The following NINL variants were observed in gnomAD, a reference collection of about 807,000 sequenced individuals.
NINL encodes the protein ninein-like protein.
NINL carries 153 observed loss-of-function variants against 160.3 expected under a neutral mutation model. That is an observed-to-expected ratio of 0.95 (90% confidence interval 0.84 to 1.09). The LOEUF (loss-of-function observed/expected upper bound fraction) is 1.09, where lower values mean the gene tolerates loss of function less well. Among genes scored for constraint, NINL ranks in the 50% least tolerant of loss-of-function variants. The pLI is 0.00. For synonymous variants in NINL, 800 were observed against 734.8 expected (o/e 1.09, Z -1.43); for missense variants, 1,829 against 1,764.0 (o/e 1.04, Z -0.66).
In NINL at chr20:25,479,018, G is replaced by A. The variant is rs200042827; in HGVS notation, c.2106C>T (p.Arg702=). ...GGCCCATCTGCTCAGGCTCGGGGCC[G>A]CGGGCTGTGTCCTGCAGCTGCTCCT... ...GLQEQLQDTA[R]GPEPEQMGLA... The change falls in exon 16 of 24, where the codon CGC becomes CGT. Residue 702 remains arginine (R), a synonymous_variant. Transcript: ENST00000278886. The A allele has an allele frequency of 4.2e-5, 67 of 1,609,324 alleles. 1 individual carries two copies. The highest frequency in any genetic ancestry group is 1.7e-4 in the Middle Eastern group (1 of 6,058).
chr20:25,476,983 G>A lies in NINL; in HGVS notation c.2308C>T (p.Pro770Ser). The A allele has an allele frequency of 6.2e-7, 1 of 1,605,524 alleles. No homozygotes were observed. The highest frequency in any genetic ancestry group is 1.7e-5 in the Admixed American group (1 of 59,990). The change falls in exon 17 of 24, where the codon CCA becomes TCA. Residue 770 changes from proline to serine, a missense_variant. Pro to Ser is a moderately conservative substitution (Grantham distance 74, BLOSUM62 -1). Transcript: ENST00000278886. ...ELEEPPQGPL[P>S]RGSQRSEQLE... ...TGCTCCGACCTCTGGCTCCCGCGTG[G>A]CAGGGGTCCCTGCGGCGGCTCCTCC...
At chr20:25,531,371 A>C (rs2064459292) in intron 1 of NINL, among the ~76,000 whole-genome samples, 1 of 152,206 alleles carries the variant, frequency 6.6e-6, no homozygotes, top group African/African-American at 2.4e-5. Context: ...GCTTACGAAA[A>C]TGATGATGAG....
At chr20:25,489,375 G>C in intron 12 of NINL, 51 bp from the exon 13 acceptor site, 1 of 1,532,684 alleles carries the variant, frequency 6.5e-7, no homozygotes. Context: ...GCCAGAGGGG[G>C]ACCTGCTTCT....
In NINL at chr20:25,505,844, C is replaced by T. The variant is rs1173916702; in HGVS notation, c.518-766G>A. On this transcript the variant is annotated intron_variant, in intron 5 of 23. Transcript: ENST00000278886. ...GTGGTTGGTACATGGGTTTTCATGC[C>T]ACAGTTGTTTGCACTTCACTCTGTT... Among the ~76,000 whole-genome samples the T allele has an allele frequency of 2.0e-5, 3 of 152,186 alleles. No homozygotes were observed. The East Asian group carries it at 5.8e-4, about 29-fold the overall frequency.
At chr20:25,474,838 T>G (rs2063191564) in intron 17 of NINL, among the ~76,000 whole-genome samples, 1 of 151,090 alleles carries the variant, frequency 6.6e-6, no homozygotes, top group East Asian at 2.0e-4. Context: ...CAGGCTGAAG[T>G]GCAGTGGCGC....
intron 11 of NINL, among the ~76,000 whole-genome samples, chr20:25,490,371 T>G (rs529784573): frequency 6.6e-6 from 1 of 152,022 alleles, no homozygotes; most frequent in African/African-American, 2.4e-5. Context: ...CCATCCTGGC[T>G]AACATGGTGA....
Position 25,456,241 on chromosome 20 carries a change from C to CAAAAA in NINL, c.3844-460_3844-456dup, listed in dbSNP as rs34657031. On this transcript the variant is annotated intron_variant, in intron 22 of 23. Coordinates refer to ENST00000278886, the MANE Select transcript of NINL (RefSeq NM_025176.6). ...CTGGTGACAGAGTGAGACTCCATCT[C>CAAAAA]AAAAAAAAAAAAAAAAAAAAAAAAA... Among the ~76,000 whole-genome samples the CAAAAA allele has an allele frequency of 3.4e-4, 14 of 40,682 alleles. 1 individual carries two copies. The highest frequency in any genetic ancestry group is 8.4e-4 in the East Asian group (1 of 1,188). The allele number at this position is 40,682 out of a possible 152,430, so 26.7% of individuals were successfully genotyped here. A position where few individuals can be genotyped will look rare whatever the true frequency, so the allele number is the denominator to read the frequency against.
intron 5 of NINL, among the ~76,000 whole-genome samples, chr20:25,505,339 G>C (rs534443393): frequency 8.7e-5 from 13 of 149,452 alleles, no homozygotes; most frequent in South Asian, 2.1e-4. Context: ...TGCTGGTTGG[G>C]GGGGGGTCAC....
chr20:25,486,957 T>G (rs1300177919), intron 13 of NINL, among the ~76,000 whole-genome samples: 1 of 152,202 alleles, frequency 6.6e-6, no homozygotes, highest in Non-Finnish European at 1.5e-5. Flanking sequence ...TCCTGTGAAA[T>G]TACTTCACAT....
chr20:25,539,504 C>A (rs554140999), intron 1 of NINL, among the ~76,000 whole-genome samples: 1 of 152,324 alleles, frequency 6.6e-6, no homozygotes, highest in Non-Finnish European at 1.5e-5. Flanking sequence ...AAAGGCCAGG[C>A]GCTCCATACG....
chr20:25,545,482 C>G (rs892212063), intron 1 of NINL, among the ~76,000 whole-genome samples: 3 of 151,942 alleles, frequency 2.0e-5, no homozygotes, highest in Admixed American at 6.6e-5. Context: ...TGAGCCCCCC[C>G]CCATTATCTG....
intron 1 of NINL, among the ~76,000 whole-genome samples, chr20:25,539,148 G>A (rs1451644735): frequency 6.6e-6 from 1 of 152,222 alleles, no homozygotes; most frequent in Non-Finnish European, 1.5e-5. Context: ...ACAGTTGTGT[G>A]CACACTCACA....
chr20:25,531,785 C>G (rs886649166), intron 1 of NINL, among the ~76,000 whole-genome samples: 1 of 152,146 alleles, frequency 6.6e-6, no homozygotes, highest in Non-Finnish European at 1.5e-5. Context: ...GGAGGAAACG[C>G]GGCTGAGCTG....
intron 13 of NINL, among the ~76,000 whole-genome samples, chr20:25,487,874 C>A (rs994824916): frequency 2.7e-4 from 41 of 152,216 alleles, no homozygotes; most frequent in African/African-American, 9.9e-4. Flanking sequence ...TGCAAGGCGG[C>A]CTTCAAGGCA....
At chr20:25,570,573 C>T (rs906083755) in intron 1 of NINL, among the ~76,000 whole-genome samples, 4 of 152,052 alleles carry the variant, frequency 2.6e-5, no homozygotes, top group Non-Finnish European at 4.4e-5. Flanking sequence ...CCAATTAAAC[C>T]TCTCTTCTTT....
At chr20:25,533,219 C>T (rs67455519) in intron 1 of NINL, among the ~76,000 whole-genome samples, 14,487 of 152,076 alleles carry the variant, frequency 0.095, 1,139 homozygotes, top group African/African-American at 0.21. Context: ...CACTCCAATC[C>T]CTGGAGTCTG....
intron 1 of NINL, among the ~76,000 whole-genome samples, chr20:25,571,883 A>G (rs1255054990): frequency 1.3e-5 from 2 of 151,530 alleles, no homozygotes; most frequent in East Asian, 3.9e-4. Context: ...AAAAAAAAAA[A>G]AAAAAAAAAA....
In NINL at chr20:25,476,888, C is replaced by A. The variant is rs1196261517; in HGVS notation, c.2403G>T (p.Ser801=). The A allele has an allele frequency of 1.2e-6, 2 of 1,613,282 alleles. No homozygotes were observed. The highest frequency in any genetic ancestry group is 1.7e-6 in the Non-Finnish European group (2 of 1,179,880). ...CCAACTCCTCCTCCTCGAGGGCCAA[C>A]GATACGCACATCTGGGCGCGCTTCT... The part of the protein sequence containing the change: ...ASEKRAQMCV[S]LALEEEELEL... Residue 801 remains serine (S), a synonymous_variant, in exon 17 of 24, where the codon TCG becomes TCT. Coordinates refer to ENST00000278886, the MANE Select transcript of NINL (RefSeq NM_025176.6).
At chr20:25,568,819 G>C (rs1231375386) in intron 1 of NINL, among the ~76,000 whole-genome samples, 1 of 152,046 alleles carries the variant, frequency 6.6e-6, no homozygotes, top group South Asian at 2.1e-4. Context: ...GAGTGTGGTG[G>C]CTCATCCCTA....
Sources: gnomAD v4.1 joint callset for allele counts (sites outside exome capture counted in the v4.1 genomes callset) on GRCh38, gnomAD v4.1.1 for gene constraint, MANE v1.5 for transcripts, NCBI Gene and HGNC (gene_info 2026-07-23, HGNC 2026-07-21) for gene names.